Variants in TANC2 observed in about 807,000 individuals in gnomAD.
TANC2 encodes the protein tetratricopeptide repeat, ankyrin repeat and coiled-coil containing 2.
A neutral mutation model predicts 210.5 loss-of-function variants in TANC2; 26 were observed. That is an observed-to-expected ratio of 0.12 (90% CI 0.09 to 0.17). TANC2 has a LOEUF of 0.17. TANC2 is among the 10% of genes least tolerant of loss of function. TANC2 has a pLI of 1.00. For missense variants in TANC2, 2,129 were observed against 2,608.9 expected (o/e 0.82, Z 4.01); for synonymous variants, 931 against 967.1 (o/e 0.96, Z 0.69).
At chr17:63,400,183 T>C (rs1014367572) in intron 19 of TANC2, among the ~76,000 whole-genome samples, 1 of 152,202 alleles carries the variant, frequency 6.6e-6, no homozygotes, top group East Asian at 1.9e-4. Flanking sequence ...AGCAGACCCT[T>C]TGTTGCCAAG....
chr17:63,361,628 A>C (rs960727847), intron 14 of TANC2, among the ~76,000 whole-genome samples: 7 of 152,240 alleles, frequency 4.6e-5, no homozygotes, highest in African/African-American at 1.7e-4. Context: ...GCCATAGCTC[A>C]GGGAGTCCCT....
chr17:63,405,875 T>C (rs1352693756), intron 20 of TANC2, among the ~76,000 whole-genome samples: 1 of 152,252 alleles, frequency 6.6e-6, no homozygotes, highest in African/African-American at 2.4e-5. Flanking sequence ...GAACTTCCGC[T>C]ATGGGATTGT....
intron 5 of TANC2, among the ~76,000 whole-genome samples, chr17:63,161,912 C>T (rs2040039193): frequency 6.6e-6 from 1 of 152,120 alleles, no homozygotes; most frequent in African/African-American, 2.4e-5. Flanking sequence ...GCTAAAATGT[C>T]ACCTTTTCAT....
chr17:63,211,188 G>T (rs1467374872), intron 7 of TANC2, among the ~76,000 whole-genome samples: 1 of 152,052 alleles, frequency 6.6e-6, no homozygotes, highest in Non-Finnish European at 1.5e-5. Flanking sequence ...TTGACTCCCG[G>T]TTACCTAAAA....
At position 63,290,716 on chromosome 17, in the gene TANC2, G is replaced by A. The variant is rs531513645; in HGVS notation, c.1159+22843G>A. Among the ~76,000 whole-genome samples the A allele has an allele frequency of 2.0e-5, 3 of 152,126 alleles. No homozygotes were observed. The South Asian group carries it at 6.2e-4, about 32-fold the overall frequency. On this transcript the variant is annotated intron_variant, in intron 9 of 27. Transcript: ENST00000689528. ...CTTTAGGTGGGAGGGTTAATCTAGT[G>A]CCGCTTACTCCATCTTGGCCAGAAG...
intron 2 of TANC2, among the ~76,000 whole-genome samples, chr17:63,049,776 C>T (rs2035512009): frequency 6.6e-6 from 1 of 152,034 alleles, no homozygotes; most frequent in Non-Finnish European, 1.5e-5. Flanking sequence ...GGGATGGAAG[C>T]AGAGAAACCA....
intron 5 of TANC2, 73 bp from the exon 6 acceptor site, chr17:63,193,918 A>G: frequency 7.1e-7 from 1 of 1,412,982 alleles, no homozygotes; most frequent in East Asian, 2.6e-5. Context: ...ACCAAAGTGA[A>G]TGTACAAATA....
At chr17:63,015,085 T>G (rs1374526863) in intron 2 of TANC2, among the ~76,000 whole-genome samples, 1 of 151,944 alleles carries the variant, frequency 6.6e-6, no homozygotes, top group Non-Finnish European at 1.5e-5. Flanking sequence ...TTTATATTAA[T>G]TGATGGCTCA....
intron 7 of TANC2, among the ~76,000 whole-genome samples, chr17:63,237,228 A>G (rs2042644628): frequency 6.6e-6 from 1 of 152,022 alleles, no homozygotes; most frequent in Admixed American, 6.6e-5. Flanking sequence ...GATTACTAAT[A>G]TTGAGATTTT....
intron 15 of TANC2, among the ~76,000 whole-genome samples, chr17:63,384,626 C>T (rs2047718761): frequency 6.6e-6 from 1 of 152,092 alleles, no homozygotes; most frequent in African/African-American, 2.4e-5. Context: ...CCAGTGATAA[C>T]CCTTATCCTA....
chr17:63,197,713 C>T (rs2041391544), intron 6 of TANC2: 1 of 152,096 alleles, frequency 6.6e-6, no homozygotes, highest in Admixed American at 6.6e-5. Context: ...ATTTGTAGGA[C>T]CTTTAAGAGA....
intron 14 of TANC2, among the ~76,000 whole-genome samples, chr17:63,358,376 A>ATGTGTGT (rs1555641222): frequency 2.1e-3 from 169 of 80,988 alleles, no homozygotes; most frequent in African/African-American, 3.9e-3. Flanking sequence ...AGAGAGAGAG[A>ATGTGTGT]GTATGTGTGT....
At chr17:63,036,996 A>G (rs1056128732) in intron 2 of TANC2, among the ~76,000 whole-genome samples, 3 of 152,148 alleles carry the variant, frequency 2.0e-5, no homozygotes, top group South Asian at 2.1e-4. Flanking sequence ...ATAGGTACCT[A>G]TGATAAAGTT....
In TANC2 at chr17:63,421,413, C is replaced by A. The variant is rs753770664; in HGVS notation, c.5683C>A (p.Pro1895Thr). 8 of 1,613,990 alleles carry A rather than the reference C, an allele frequency of 5.0e-6. No homozygotes were observed. Among genetic ancestry groups the A allele is most frequent in the African/African-American group, 1.3e-5 (1 of 75,052 alleles). ...TTCTTCCATCCAGCAAATGGAGATC[C>A]CACTGAAACCTGCATATGAGAGGTC... The change falls in exon 28 of 28, where the codon CCA (proline) becomes ACA (threonine). Residue 1895 changes from proline to threonine, a missense_variant. Coordinates refer to ENST00000689528, the Ensembl canonical transcript of TANC2. The surrounding 1 kb of genome is among the most constrained non-coding windows in gnomAD (Gnocchi z 6.9).
chr17:63,037,670 C>G (rs1415719124), intron 2 of TANC2, among the ~76,000 whole-genome samples: 1 of 151,956 alleles, frequency 6.6e-6, no homozygotes, highest in Non-Finnish European at 1.5e-5. Context: ...AAAAATTAGC[C>G]AGGCATGCTG....
chr17:62,989,908 C>T (rs994026211), intron 1 of TANC2, among the ~76,000 whole-genome samples: 12 of 151,218 alleles, frequency 7.9e-5, no homozygotes, highest in South Asian at 2.1e-4. Context: ...GTAGCTGGGA[C>T]TACAGGTGCG....
At chr17:63,042,717 A>G (rs960192281) in intron 2 of TANC2, among the ~76,000 whole-genome samples, 21 of 152,204 alleles carry the variant, frequency 1.4e-4, no homozygotes, top group Non-Finnish European at 2.8e-4. Flanking sequence ...TAATTTTAAG[A>G]CCTAAGTAGT....
intron 3 of TANC2, among the ~76,000 whole-genome samples, chr17:63,096,842 G>A (rs2037405827): frequency 6.6e-6 from 1 of 152,080 alleles, no homozygotes; most frequent in South Asian, 2.1e-4. Flanking sequence ...ATTTCCACCA[G>A]AAGTGTATGA....
At chr17:63,234,861 T>G (rs955511775) in intron 7 of TANC2, among the ~76,000 whole-genome samples, 2 of 152,176 alleles carry the variant, frequency 1.3e-5, no homozygotes, top group African/African-American at 4.8e-5. Flanking sequence ...GGTTTCCTCA[T>G]CTGCATAATG....
Sources: allele counts gnomAD v4.1 joint callset (sites outside exome capture counted in the v4.1 genomes callset), GRCh38; gene constraint gnomAD v4.1.1; non-coding constraint Gnocchi (gnomAD v3.1); transcripts MANE v1.5; gene names NCBI Gene and HGNC (gene_info 2026-07-23, HGNC 2026-07-21).